Variants in GRHPR observed in about 807,000 individuals in gnomAD.
GRHPR encodes the protein glyoxylate reductase/hydroxypyruvate reductase.
Under a neutral mutation model 36.8 loss-of-function variants are expected in GRHPR, and 35 were observed. The observed-to-expected ratio is 0.95, with a 90% CI of 0.73 to 1.26. The LOEUF is 1.26. Among genes scored for constraint, GRHPR ranks in the 50% most tolerant of loss-of-function variants. The pLI is 0.00. For missense variants in GRHPR, 380 were observed against 435.0 expected, an observed-to-expected ratio of 0.87 and a Z score of 1.12; for synonymous variants, 179 against 181.0, an observed-to-expected ratio of 0.99 and a Z score of 0.09.
At chr9:37,434,444 C>T in intron 8 of GRHPR, 3 of 592,924 alleles carry the variant, frequency 5.1e-6, no homozygotes, top group Admixed American at 2.3e-5. Flanking sequence ...CCAATTGGGG[C>T]CATGCAGGAA....
chr9:37,431,156 G>A, intron 7 of GRHPR: 1 of 397,846 alleles, frequency 2.5e-6, no homozygotes, highest in South Asian at 1.9e-5. Context: ...ATGGAGGTCA[G>A]ACCTTCCTTC....
chr9:37,433,311 G>A (rs1387479193), intron 8 of GRHPR, among the ~76,000 whole-genome samples: 1 of 145,392 alleles, frequency 6.9e-6, no homozygotes, highest in East Asian at 2.0e-4. Context: ...TGAACTCACT[G>A]CAACCCCTGC....
chr9:37,430,129 G>A (rs1202062073), intron 6 of GRHPR: 3 of 537,956 alleles, frequency 5.6e-6, no homozygotes, highest in Admixed American at 3.1e-5. Context: ...GTGGGTGTGA[G>A]GAAGGGCTGG....
intron 7 of GRHPR, 31 bp from the exon 8 acceptor site, chr9:37,431,977 G>A (rs767459133): frequency 1.1e-5 from 18 of 1,612,962 alleles, no homozygotes; most frequent in East Asian, 2.2e-5. Context: ...AGGGATCTTC[G>A]GGGTACCCAT....
Position 37,424,861 on chromosome 9 carries a change from T to G in GRHPR, c.100T>G (p.Trp34Gly). ...ARAADCEVEQ[W>G]DSDEPIPAKE... ...TCCCCGCAGCTGTGAGGTGGAGCAG[T>G]GGGACTCGGATGAGCCCATCCCTGC... Residue 34 changes from tryptophan to glycine, a missense_variant, in exon 2 of 9, where the codon TGG becomes GGG. Physicochemically the swap from Trp to Gly is radical, Grantham distance 184 (BLOSUM62 -2). Coordinates refer to ENST00000318158, the MANE Select transcript of GRHPR (RefSeq NM_012203.2). The G allele has an allele frequency of 6.2e-7, 1 of 1,613,384 alleles. No homozygotes were observed.
At chr9:37,429,595 T>C (rs918026936) in intron 5 of GRHPR, 137 bp from the exon 6 acceptor site, 50 of 755,662 alleles carry the variant, frequency 6.6e-5, no homozygotes, top group Non-Finnish European at 1.9e-5. Context: ...CCACCCGCTT[T>C]GGAGGAGACA....
chr9:37,434,005 C>T lies in GRHPR; in HGVS notation c.865+1867C>T, dbSNP rs368619100. Reference sequence around the variant, plus strand: ...GCACTGGGTGTGATGTCAGGGCTGTCGCCCACAGCCAGGAAAACTGCCCTC... The same window carrying T: ...GCACTGGGTGTGATGTCAGGGCTGTTGCCCACAGCCAGGAAAACTGCCCTC... On this transcript the variant is annotated intron_variant, in intron 8 of 8. Transcript: ENST00000318158. 142 of 381,408 alleles carry T rather than the reference C, an allele frequency of 3.7e-4. 1 individual carries two copies. The highest frequency in any genetic ancestry group is 2.6e-3 in the African/African-American group (122 of 47,486). The allele number at this position is 381,408 out of a possible 1,614,324, so 23.6% of individuals were successfully genotyped here. A position where few individuals can be genotyped will look rare whatever the true frequency, so the allele number is the denominator to read the frequency against.
chr9:37,431,432 T>A (rs758833708), intron 7 of GRHPR: 1 of 258,926 alleles, frequency 3.9e-6, no homozygotes, highest in Non-Finnish European at 7.7e-6. Context: ...GACCGTGTAT[T>A]ACTCATTAGT....
chr9:37,428,873 G>T, intron 5 of GRHPR: 1 of 500,516 alleles, frequency 2.0e-6, no homozygotes, highest in Non-Finnish European at 3.7e-6. Flanking sequence ...GGGCCGTTAG[G>T]AGTGGTTACC....
At chr9:37,431,194 G>C (rs2118886870) in intron 7 of GRHPR, 1 of 371,778 alleles carries the variant, frequency 2.7e-6, no homozygotes, top group East Asian at 7.3e-5. Flanking sequence ...TTCCTAGCTG[G>C]TGCCCCTTGA....
In GRHPR at chr9:37,436,983, C is replaced by T; in HGVS notation, c.*201C>T. ...ATGGTAATTCTATTATTAAATAATT[C>T]TCTGAGAGACCGTCTTGGCCTGTAA... On this transcript the variant is annotated 3_prime_UTR_variant, in exon 9 of 9. Coordinates refer to ENST00000318158, the MANE Select transcript of GRHPR (RefSeq NM_012203.2). 1 of 564,334 alleles carries T rather than the reference C, an allele frequency of 1.8e-6. No individual in the cohort carries two copies. The allele number at this position is 564,334 out of a possible 1,614,324, so 35.0% of individuals were successfully genotyped here.
downstream of GRHPR, chr9:37,438,742 C>CCTAA (rs1235532070): frequency 6.6e-6 from 1 of 152,246 alleles, no homozygotes; most frequent in African/African-American, 2.4e-5. Context: ...TGGGGAGCCT[C>CCTAA]CTAACACCAT....
rs912026382 is a variant in GRHPR at position 37,436,838 on chromosome 9, A to G, written c.*56A>G. The G allele has an allele frequency of 2.5e-6, 4 of 1,599,370 alleles. No homozygotes were observed. In the Admixed American group the frequency reaches 6.7e-5, roughly 27 times the overall value. On this transcript the variant is annotated 3_prime_UTR_variant, in exon 9 of 9. Coordinates refer to ENST00000318158, the MANE Select transcript of GRHPR (RefSeq NM_012203.2). The stretch of plus-strand genomic sequence containing the variant: ...AAACCGTGCCCTGGTATTGTCAGAC[A>G]CACCCAGGCTTGATTTGGATCCACA...
intron 1 of GRHPR, among the ~76,000 whole-genome samples, chr9:37,423,896 C>G (rs1588748723): frequency 6.6e-6 from 1 of 152,316 alleles, no homozygotes; most frequent in East Asian, 1.9e-4. Flanking sequence ...AGATTAAAAA[C>G]TGGAGGCTGG....
chr9:37,425,812 CCT>C, intron 2 of GRHPR, 108 bp from the exon 3 acceptor site: 2 of 749,398 alleles, frequency 2.7e-6, no homozygotes, highest in South Asian at 2.9e-5. Context: ...GAGATGTCAG[CCT>C]CTTATTCTAA....
chr9:37,426,573 C>T lies in GRHPR; in HGVS notation c.323C>T (p.Thr108Ile), dbSNP rs370530139. The T allele has an allele frequency of 3.3e-5, 54 of 1,613,656 alleles. No individual in the cohort carries two copies. The highest frequency in any genetic ancestry group is 4.4e-5 in the Non-Finnish European group (52 of 1,179,684). The change falls in exon 4 of 9, where the codon ACA becomes ATA. Residue 108 changes from threonine to isoleucine, a missense_variant. Thr to Ile is a moderately conservative substitution (Grantham distance 89). Coordinates refer to ENST00000318158, the MANE Select transcript of GRHPR (RefSeq NM_012203.2). The part of the protein sequence containing the change: ...IRVGYTPDVL[T>I]DTTAELAVSL... ...GTTGGCTACACCCCAGATGTCCTGACAGATACCACCGCCGAACTCGCAGTC... is the reference window on the plus strand; with the variant it reads ...GTTGGCTACACCCCAGATGTCCTGATAGATACCACCGCCGAACTCGCAGTC...
At chr9:37,430,086 T>G in intron 6 of GRHPR, 1 of 562,882 alleles carries the variant, frequency 1.8e-6, no homozygotes, top group Non-Finnish European at 3.2e-6. Flanking sequence ...TTTGTTACCA[T>G]TCCCCATTGT....
chr9:37,433,962 C>CA, intron 8 of GRHPR: 1 of 384,280 alleles, frequency 2.6e-6, no homozygotes, highest in East Asian at 3.7e-5. Context: ...GTCCCTCCCC[C>CA]ACCCCAGCCT....
At chr9:37,433,228 A>ATTTTTTTTTTTTTTTTTTTTT (rs11345501) in intron 8 of GRHPR, among the ~76,000 whole-genome samples, 1 of 97,204 alleles carries the variant, frequency 1.0e-5, no homozygotes, top group Non-Finnish European at 2.2e-5. Context: ...TGGTTCTCAC[A>ATTTTTTTTTTTTTTTTTTTTT]TTTTTTTTTT....
Sources: gnomAD v4.1 joint callset for allele counts (sites outside exome capture counted in the v4.1 genomes callset) on GRCh38, gnomAD v4.1.1 for gene constraint, MANE v1.5 for transcripts, NCBI Gene and HGNC (gene_info 2026-07-23, HGNC 2026-07-21) for gene names.